The following GDAP2 variants were observed in gnomAD, a reference collection of about 807,000 sequenced individuals.
GDAP2 encodes the protein ganglioside-induced differentiation-associated protein 2.
In GDAP2, 51 loss-of-function variants were observed where a neutral mutation model predicts 67.0. That is an observed-to-expected ratio of 0.76 (90% CI 0.61 to 0.96). GDAP2 has a LOEUF of 0.96. GDAP2 is among the 40% of genes least tolerant of loss of function. The pLI is 0.00. For synonymous variants in GDAP2, 203 were observed against 207.3 expected, an observed-to-expected ratio of 0.98 and a Z score of 0.18; for missense variants, 547 against 588.3, an observed-to-expected ratio of 0.93 and a Z score of 0.73.
intron 13 of GDAP2, among the ~76,000 whole-genome samples, chr1:117,873,181 T>TC (rs1648346691): frequency 6.6e-6 from 1 of 152,168 alleles, no homozygotes; most frequent in Non-Finnish European, 1.5e-5. Context: ...CTGGAAACAA[T>TC]CATAGAAATT....
chr1:117,898,609 C>T, intron 7 of GDAP2, among the ~76,000 whole-genome samples: 1 of 152,168 alleles, frequency 6.6e-6, no homozygotes, highest in Middle Eastern at 3.2e-3. Flanking sequence ...AGGCCCCCAT[C>T]CTAACACGTT....
intron 3 of GDAP2, among the ~76,000 whole-genome samples, chr1:117,917,314 A>G (rs1395271031): frequency 6.6e-6 from 1 of 152,152 alleles, no homozygotes. Context: ...ATAAAAATGT[A>G]AAAAGGGGAT....
chr1:117,891,916 G>A (rs1417069930), intron 8 of GDAP2, among the ~76,000 whole-genome samples: 1 of 152,066 alleles, frequency 6.6e-6, no homozygotes, highest in African/African-American at 2.4e-5. Context: ...CACAGAATTA[G>A]TATAAACTCT....
intron 5 of GDAP2, among the ~76,000 whole-genome samples, chr1:117,908,419 T>C (rs554550881): frequency 6.6e-6 from 1 of 152,308 alleles, no homozygotes; most frequent in African/African-American, 2.4e-5. Flanking sequence ...CAAACCTATT[T>C]GTTAAAGGAC....
At chr1:117,884,761 G>T (rs1226892993) in intron 10 of GDAP2, among the ~76,000 whole-genome samples, 3 of 151,558 alleles carry the variant, frequency 2.0e-5, no homozygotes, top group African/African-American at 7.3e-5. Flanking sequence ...GAACATAAAT[G>T]ATTACAAACA....
chr1:117,886,600 C>G lies in GDAP2; in HGVS notation c.1084G>C (p.Val362Leu). The stretch of plus-strand genomic sequence containing the variant: ...ACCTTGTCCATATCTATTAATGTTA[C>G]AGGAATGTTTCTTCCAACTACCACC... ...VMVVVGRNIP[V>L]TLIDMDKALL... Residue 362 changes from valine (V) to leucine (L), a missense_variant, in exon 10 of 14, where the codon GTA becomes CTA. Coordinates refer to ENST00000369443, the MANE Select transcript of GDAP2 (RefSeq NM_017686.4). The G allele has an allele frequency of 6.4e-7, 1 of 1,574,716 alleles. No individual in the cohort carries two copies. The highest frequency in any genetic ancestry group is 8.7e-7 in the Non-Finnish European group (1 of 1,144,398).
intron 8 of GDAP2, 66 bp from the exon 9 acceptor site, chr1:117,887,840 A>G (rs1648920642): frequency 2.2e-6 from 2 of 904,022 alleles, no homozygotes; most frequent in Non-Finnish European, 1.8e-6. Context: ...AATGGGACCA[A>G]TTTTTAATAC....
intron 6 of GDAP2, among the ~76,000 whole-genome samples, chr1:117,900,262 T>C (rs1324586851): frequency 6.6e-6 from 1 of 152,098 alleles, no homozygotes; most frequent in African/African-American, 2.4e-5. Context: ...ATTACAGGTG[T>C]ACACCACCAT....
intron 13 of GDAP2, among the ~76,000 whole-genome samples, chr1:117,875,947 G>T (rs1648439621): frequency 6.6e-6 from 1 of 152,148 alleles, no homozygotes; most frequent in Admixed American, 6.5e-5. Context: ...GTCTCCAGAT[G>T]AGACTTTGGA....
chr1:117,888,752 T>TA (rs1404193088), intron 8 of GDAP2, among the ~76,000 whole-genome samples: 1 of 152,188 alleles, frequency 6.6e-6, no homozygotes. Context: ...ATTTGGCTTC[T>TA]AATCCTACTG....
At chr1:117,872,276 G>A (rs1648316676) in intron 13 of GDAP2, among the ~76,000 whole-genome samples, 1 of 152,192 alleles carries the variant, frequency 6.6e-6, no homozygotes, top group Non-Finnish European at 1.5e-5. Flanking sequence ...GTGGAAGACA[G>A]TGTGGTGATT....
chr1:117,909,180 T>C (rs1169538838), intron 5 of GDAP2, among the ~76,000 whole-genome samples: 3 of 152,182 alleles, frequency 2.0e-5, no homozygotes, highest in Non-Finnish European at 4.4e-5. Context: ...TTTGTAAGAA[T>C]GACATCTAGG....
At chr1:117,894,792 T>C (rs1178744373) in intron 8 of GDAP2, among the ~76,000 whole-genome samples, 1 of 152,188 alleles carries the variant, frequency 6.6e-6, no homozygotes, top group African/African-American at 2.4e-5. Flanking sequence ...CCCTGACATT[T>C]CAAGAAAAAT....
At chr1:117,925,286 C>T (rs1360289958) in intron 1 of GDAP2, among the ~76,000 whole-genome samples, 1 of 152,038 alleles carries the variant, frequency 6.6e-6, no homozygotes, top group East Asian at 1.9e-4. Context: ...GACCCCATTT[C>T]TACAAGAATA....
intron 7 of GDAP2, among the ~76,000 whole-genome samples, chr1:117,897,906 A>G (rs1051862593): frequency 6.6e-6 from 1 of 152,236 alleles, no homozygotes; most frequent in Non-Finnish European, 1.5e-5. Flanking sequence ...CAGATTTAAC[A>G]TTCTGCTTGA....
intron 10 of GDAP2, among the ~76,000 whole-genome samples, chr1:117,885,508 C>G (rs1323216738): frequency 6.6e-6 from 1 of 152,180 alleles, no homozygotes; most frequent in Admixed American, 6.5e-5. Flanking sequence ...GTACTTGCCT[C>G]TGTAACCATA....
At chr1:117,903,133 G>T (rs1649539678) in intron 6 of GDAP2, among the ~76,000 whole-genome samples, 1 of 152,040 alleles carries the variant, frequency 6.6e-6, no homozygotes, top group Non-Finnish European at 1.5e-5. Context: ...TAACCCCACT[G>T]GAACTCTATT....
At chr1:117,885,755 A>C (rs1648829590) in intron 10 of GDAP2, among the ~76,000 whole-genome samples, 1 of 152,158 alleles carries the variant, frequency 6.6e-6, no homozygotes, top group Admixed American at 6.6e-5. Flanking sequence ...TTTTAAGTAT[A>C]CAATTTTTTT....
intron 13 of GDAP2, among the ~76,000 whole-genome samples, chr1:117,872,899 A>C (rs1264008093): frequency 6.6e-6 from 1 of 152,156 alleles, no homozygotes; most frequent in Non-Finnish European, 1.5e-5. Flanking sequence ...TTCACTGACC[A>C]AATCCTTTAT....
Sources: gnomAD v4.1 joint callset for allele counts (sites outside exome capture counted in the v4.1 genomes callset) on GRCh38, gnomAD v4.1.1 for gene constraint, MANE v1.5 for transcripts, NCBI Gene and HGNC (gene_info 2026-07-23, HGNC 2026-07-21) for gene names.